The following ARHGAP6 variants were observed in gnomAD, a reference collection of about 807,000 sequenced individuals.
ARHGAP6 encodes Rho GTPase activating protein 6, also known as rho GTPase-activating protein 6.
A neutral mutation model predicts 55.7 loss-of-function variants in ARHGAP6; 16 were observed. That is an observed-to-expected ratio of 0.29 (90% CI 0.19 to 0.44). The LOEUF (loss-of-function observed/expected upper bound fraction) is 0.44. Among genes scored for constraint, ARHGAP6 ranks in the 20% least tolerant of loss-of-function variants. ARHGAP6 has a pLI of 1.00. For synonymous variants in ARHGAP6, 382 were observed against 360.9 expected (o/e 1.06, Z -0.66); for missense variants, 698 against 808.9 (o/e 0.86, Z 1.66).
At chrX:11,638,283 T>C (rs903553983) in intron 1 of ARHGAP6, among the ~76,000 whole-genome samples, 3 of 112,206 alleles carry the variant, frequency 2.7e-5, no homozygotes, top group African/African-American at 9.7e-5. Flanking sequence ...CTGAAAAATA[T>C]ACACAGAAGC....
In ARHGAP6 at chrX:11,665,733, G is replaced by C. The variant is rs1601744121; in HGVS notation, c.-905C>G. The C allele has an allele frequency of 8.8e-6, 1 of 113,296 alleles. No homozygotes were observed. The highest frequency in any genetic ancestry group is 3.6e-4 in the South Asian group (1 of 2,771). 9.3% of individuals were successfully genotyped at this position (113,296 alleles called of 1,213,427 possible). ...CCAGGGCAGACGCGGAGATGACCCCGTACGCTCGCTCTAGAGGCAGCGGGA... is the reference window on the plus strand; with the variant it reads ...CCAGGGCAGACGCGGAGATGACCCCCTACGCTCGCTCTAGAGGCAGCGGGA... On this transcript the variant is annotated 5_prime_UTR_variant, in exon 1 of 13. Coordinates refer to ENST00000337414, the MANE Select transcript of ARHGAP6 (RefSeq NM_013427.3).
chrX:11,198,133 A>T (rs2046567224), intron 2 of ARHGAP6, among the ~76,000 whole-genome samples: 1 of 111,793 alleles, frequency 8.9e-6, no homozygotes, highest in South Asian at 3.8e-4. Context: ...AGAGTTACAG[A>T]TGTCCCCCAC....
chrX:11,422,979 G>C (rs1014377279), intron 1 of ARHGAP6, among the ~76,000 whole-genome samples: 2 of 111,987 alleles, frequency 1.8e-5, no homozygotes, highest in East Asian at 2.8e-4. Context: ...GCCAGGTTGG[G>C]GGTGGGAGTA....
chrX:11,219,832 G>A (rs1380488584), intron 2 of ARHGAP6, among the ~76,000 whole-genome samples: 5 of 98,069 alleles, frequency 5.1e-5, no homozygotes, highest in African/African-American at 1.9e-4. Context: ...CTCCCATGTT[G>A]TAGGTTGCCT....
rs756434922 is a variant in ARHGAP6 at position 11,139,025 on chromosome X, G to A, written c.2763C>T (p.Val921=). The A allele has an allele frequency of 8.3e-7, 1 of 1,208,567 alleles. No individual in the cohort carries two copies. Among genetic ancestry groups the A allele is most frequent in the Non-Finnish European group, 1.1e-6 (1 of 894,454 alleles). ...GGQAAEREQQ[V]TQKKLSSANS... ...TGGCGCTGCTCAGTTTTTTCTGCGT[G>A]ACCTGCTGCTCTCGCTCGGCTGCTT... is the stretch of plus-strand genomic sequence containing the variant. Residue 921 remains valine, a synonymous_variant, in exon 13 of 13, where the codon GTC becomes GTT. Coordinates refer to ENST00000337414, the MANE Select transcript of ARHGAP6 (RefSeq NM_013427.3).
chrX:11,217,346 TC>T (rs777516126), intron 2 of ARHGAP6, among the ~76,000 whole-genome samples: 67 of 112,100 alleles, frequency 6.0e-4, no homozygotes, highest in African/African-American at 2.1e-3. Flanking sequence ...GTAAAAGCAT[TC>T]CTATTTCTCC....
chrX:11,473,156 T>C (rs1264582806), intron 1 of ARHGAP6, among the ~76,000 whole-genome samples: 1 of 111,622 alleles, frequency 9.0e-6, no homozygotes, highest in Non-Finnish European at 1.9e-5. Flanking sequence ...CCAAGAATTA[T>C]CTTCATCATG....
In ARHGAP6 at chrX:11,497,158, C is replaced by T. The variant is rs143553088; in HGVS notation, c.588+167083G>A. Among the ~76,000 whole-genome samples the T allele has an allele frequency of 4.2e-4, 47 of 111,838 alleles. No individual in the cohort carries two copies. The East Asian group carries it at 0.011, about 27-fold the overall frequency. On this transcript the variant is annotated intron_variant, in intron 1 of 12. Coordinates refer to ENST00000337414, the MANE Select transcript of ARHGAP6 (RefSeq NM_013427.3). ...ATCAAAGTGAATTTACTGTATGCTA[C>T]GAAGCCTGTATTTTAAGTAAGATCA...
intron 1 of ARHGAP6, among the ~76,000 whole-genome samples, chrX:11,356,678 G>A (rs187305461): frequency 8.1e-5 from 9 of 110,729 alleles, no homozygotes; most frequent in Non-Finnish European, 1.3e-4. Flanking sequence ...ACTTTTTAAT[G>A]TCTGATGGGA....
chrX:11,502,884 G>C (rs2050694410), intron 1 of ARHGAP6, among the ~76,000 whole-genome samples: 1 of 110,770 alleles, frequency 9.0e-6, no homozygotes, highest in African/African-American at 3.3e-5. Context: ...GTTATATGCA[G>C]ATTTTCTTTT....
At chrX:11,421,645 T>C (rs1046887479) in intron 1 of ARHGAP6, among the ~76,000 whole-genome samples, 2 of 111,973 alleles carry the variant, frequency 1.8e-5, no homozygotes, top group East Asian at 5.6e-4. Context: ...CAGAGTCAGC[T>C]GAGGTGAAGT....
intron 1 of ARHGAP6, among the ~76,000 whole-genome samples, chrX:11,553,344 C>T (rs951739680): frequency 5.5e-5 from 6 of 110,027 alleles, no homozygotes; most frequent in African/African-American, 2.0e-4. Context: ...TGGGCTCAAG[C>T]GATCCTCTGA....
intron 1 of ARHGAP6, among the ~76,000 whole-genome samples, chrX:11,530,147 G>A (rs1488248741): frequency 9.0e-6 from 1 of 111,146 alleles, no homozygotes; most frequent in Non-Finnish European, 1.9e-5. Context: ...TACCTCTTGA[G>A]TGCATTCTCA....
intron 10 of ARHGAP6, among the ~76,000 whole-genome samples, chrX:11,153,362 T>C (rs752258958): frequency 9.2e-6 from 1 of 108,258 alleles, no homozygotes; most frequent in African/African-American, 3.4e-5. Context: ...CCGTCTCTAC[T>C]AAAAATACAT....
chrX:11,629,306 T>C (rs1054713289), intron 1 of ARHGAP6, among the ~76,000 whole-genome samples: 3 of 111,603 alleles, frequency 2.7e-5, no homozygotes, highest in African/African-American at 9.8e-5. Context: ...TTGGAAGTGC[T>C]TGACCTACAA....
intron 1 of ARHGAP6, among the ~76,000 whole-genome samples, chrX:11,478,696 A>C (rs905637090): frequency 1.8e-5 from 2 of 112,182 alleles, no homozygotes; most frequent in Admixed American, 9.4e-5. Context: ...AAAACCCATA[A>C]AAATAAAATT....
intron 2 of ARHGAP6, among the ~76,000 whole-genome samples, chrX:11,205,553 G>A (rs1181229214): frequency 8.9e-6 from 1 of 111,768 alleles, no homozygotes; most frequent in Non-Finnish European, 1.9e-5. Context: ...CACAGACCCT[G>A]AAATCTCTTA....
intron 1 of ARHGAP6, among the ~76,000 whole-genome samples, chrX:11,332,284 G>A (rs1472461492): frequency 1.8e-5 from 2 of 111,822 alleles, no homozygotes; most frequent in East Asian, 2.8e-4. Flanking sequence ...TCCCTATGAC[G>A]TCTGGCTTGC....
intron 1 of ARHGAP6, among the ~76,000 whole-genome samples, chrX:11,307,039 G>A (rs962163769): frequency 9.0e-6 from 1 of 111,253 alleles, no homozygotes; most frequent in Admixed American, 9.6e-5. Context: ...TGGTCCTCAT[G>A]CCTTCTCTGG....
Sources: allele counts gnomAD v4.1 joint callset (sites outside exome capture counted in the v4.1 genomes callset), GRCh38; gene constraint gnomAD v4.1.1; transcripts MANE v1.5; gene names NCBI Gene and HGNC (gene_info 2026-07-23, HGNC 2026-07-21).